The following MACROD2 variants were observed in gnomAD, a reference collection of about 807,000 sequenced individuals.
MACROD2 encodes the protein mono-ADP ribosylhydrolase 2, also known as ADP-ribose glycohydrolase MACROD2.
MACROD2 carries 36 observed loss-of-function variants against 70.4 expected under a neutral mutation model. The observed-to-expected ratio is 0.51, with a 90% confidence interval of 0.39 to 0.68. The LOEUF (loss-of-function observed/expected upper bound fraction) is 0.68, where lower values mean the gene tolerates loss of function less well. MACROD2 is among the 30% of genes least tolerant of loss of function. The probability of loss-of-function intolerance (pLI) is 0.00; values close to 1 mark genes in which losing one functional copy is unlikely to be tolerated. For missense variants in MACROD2, 496 were observed against 538.4 expected, an observed-to-expected ratio of 0.92 and a Z score of 0.78; for synonymous variants, 172 against 178.8, an observed-to-expected ratio of 0.96 and a Z score of 0.30.
At chr20:14,046,321 G>A (rs369484680) in intron 2 of MACROD2, among the ~76,000 whole-genome samples, 3 of 152,178 alleles carry the variant, frequency 2.0e-5, no homozygotes, top group East Asian at 3.9e-4. Flanking sequence ...ATCCTAGGGA[G>A]AGTAACTGGC....
chr20:14,424,704 G>A (rs1568606081), intron 3 of MACROD2, among the ~76,000 whole-genome samples: 1 of 152,194 alleles, frequency 6.6e-6, no homozygotes, highest in Non-Finnish European at 1.5e-5. Flanking sequence ...GAAGGTGGCA[G>A]TATTTATGTC....
intron 8 of MACROD2, among the ~76,000 whole-genome samples, chr20:15,730,504 A>G (rs991518039): frequency 6.6e-6 from 1 of 152,158 alleles, no homozygotes; most frequent in Non-Finnish European, 1.5e-5. Context: ...AAGAATGCTG[A>G]CTATAGCCCT....
At chr20:14,100,740 TATA>T (rs1410780947) in intron 3 of MACROD2, among the ~76,000 whole-genome samples, 51 of 136,152 alleles carry the variant, frequency 3.7e-4, no homozygotes, top group Non-Finnish European at 6.8e-4. Context: ...TATATATAAA[TATA>T]ATATATAATA....
At chr20:15,873,183 C>T (rs1019710256) in intron 9 of MACROD2, among the ~76,000 whole-genome samples, 2 of 152,168 alleles carry the variant, frequency 1.3e-5, no homozygotes, top group African/African-American at 4.8e-5. Flanking sequence ...AAATTGTGCA[C>T]TGTGTTTGCA....
chr20:14,872,813 C>T (rs1363792020), intron 5 of MACROD2, among the ~76,000 whole-genome samples: 1 of 152,124 alleles, frequency 6.6e-6, no homozygotes, highest in Non-Finnish European at 1.5e-5. Context: ...GTTTAACTGA[C>T]TCACAGTTCA....
intron 5 of MACROD2, among the ~76,000 whole-genome samples, chr20:15,209,824 A>G (rs1253782348): frequency 6.6e-6 from 1 of 152,242 alleles, no homozygotes; most frequent in Non-Finnish European, 1.5e-5. Context: ...AAATCTTTCC[A>G]GAAGGACATA....
intron 3 of MACROD2, among the ~76,000 whole-genome samples, chr20:14,230,496 T>A (rs1470105723): frequency 2.0e-5 from 3 of 151,452 alleles, no homozygotes; most frequent in East Asian, 3.9e-4. Flanking sequence ...TAGTTATGTC[T>A]TTAGGGTTCA....
chr20:16,016,520 C>G (rs1165772657), intron 15 of MACROD2, among the ~76,000 whole-genome samples: 1 of 152,154 alleles, frequency 6.6e-6, no homozygotes, highest in Non-Finnish European at 1.5e-5. Context: ...ACATTTTCAA[C>G]TTAACCTTTT....
chr20:15,985,611 T>G (rs1487296656), intron 13 of MACROD2, among the ~76,000 whole-genome samples: 2 of 152,228 alleles, frequency 1.3e-5, no homozygotes, highest in Admixed American at 1.3e-4. Flanking sequence ...GGCGTTCCAC[T>G]GGGGCAATTT....
rs117467696 is a variant in MACROD2, at chr20:15,025,337, C to G, written c.419-204603C>G. 8.2e-3 allele frequency among the ~76,000 whole-genome samples: 1,254 copies of G among 152,142 alleles called. 16 individuals carry two copies. Among genetic ancestry groups the G allele is most frequent in the Non-Finnish European group, 0.014 (929 of 68,012 alleles). On this transcript the variant is annotated intron_variant, in intron 5 of 17. Transcript: ENST00000684519. Reference sequence around the variant, plus strand: ...AGTCTAAGTCTTGGGTGGTGTCTACCTCCTTGCTTCAGAAGAGGCAGCTCT... The same window carrying G: ...AGTCTAAGTCTTGGGTGGTGTCTACGTCCTTGCTTCAGAAGAGGCAGCTCT...
At chr20:15,962,645 A>T (rs965449062) in intron 12 of MACROD2, among the ~76,000 whole-genome samples, 1 of 152,198 alleles carries the variant, frequency 6.6e-6, no homozygotes, top group African/African-American at 2.4e-5. Context: ...TAATTTGAAA[A>T]TCCAAAATCT....
At chr20:15,525,286 G>GC (rs11482635) in intron 8 of MACROD2, among the ~76,000 whole-genome samples, 7,470 of 152,188 alleles carry the variant, frequency 0.049, 468 homozygotes, top group East Asian at 0.29. Context: ...CCCACTAAGA[G>GC]CCCCAAGGAA....
intron 15 of MACROD2, among the ~76,000 whole-genome samples, chr20:15,995,045 G>A (rs540253080): frequency 8.7e-4 from 132 of 152,146 alleles, no homozygotes; most frequent in Middle Eastern, 3.4e-3. Flanking sequence ...TGATATAATT[G>A]AGTATATTTG....
intron 3 of MACROD2, among the ~76,000 whole-genome samples, chr20:14,190,480 T>A (rs1444230900): frequency 6.6e-6 from 1 of 151,456 alleles, no homozygotes; most frequent in Non-Finnish European, 1.5e-5. Flanking sequence ...AATTGAAATG[T>A]GTATGAAGTC....
At chr20:15,571,665 T>A (rs1234166408) in intron 8 of MACROD2, among the ~76,000 whole-genome samples, 1 of 152,076 alleles carries the variant, frequency 6.6e-6, no homozygotes, top group Non-Finnish European at 1.5e-5. Flanking sequence ...GGGCCCCAAA[T>A]GATCACATGA....
intron 6 of MACROD2, among the ~76,000 whole-genome samples, chr20:15,310,832 CA>C (rs1256257439): frequency 2.6e-5 from 4 of 152,084 alleles, no homozygotes; most frequent in Non-Finnish European, 5.9e-5. Flanking sequence ...TTCATCCAAA[CA>C]GGAAGATCAA....
At chr20:14,230,686 T>TATATAAAAAACACAGGCTGGGCCC (rs2081800880) in intron 3 of MACROD2, among the ~76,000 whole-genome samples, 1 of 120,946 alleles carries the variant, frequency 8.3e-6, no homozygotes, top group Non-Finnish European at 1.7e-5. Context: ...TATATATATA[T>TATATAAAAAACACAGGCTGGGCCC]ATATATATAT....
intron 6 of MACROD2, among the ~76,000 whole-genome samples, chr20:15,313,703 A>G (rs1438810761): frequency 6.6e-6 from 1 of 152,072 alleles, no homozygotes; most frequent in Admixed American, 6.6e-5. Context: ...ACTTCTGCCT[A>G]CCACCACCTC....
In MACROD2 at chr20:14,123,588, G is replaced by C. The variant is rs181390723; in HGVS notation, c.271+37860G>C. On this transcript the variant is annotated intron_variant, in intron 3 of 17. Coordinates refer to ENST00000684519, the MANE Select transcript of MACROD2 (RefSeq NM_001351661.2). ...TAAAGTCCTGCCTCCCTAGATACCA[G>C]CCTACCTAACGAAGCCTTCTAAAAT... 4.5e-4 allele frequency among the ~76,000 whole-genome samples: 68 copies of C among 152,244 alleles called. No individual in the cohort carries two copies. In the East Asian group the frequency reaches 0.012, roughly 26 times the overall value.
Sources: gnomAD v4.1 joint callset for allele counts (sites outside exome capture counted in the v4.1 genomes callset) on GRCh38, gnomAD v4.1.1 for gene constraint, MANE v1.5 for transcripts, NCBI Gene and HGNC (gene_info 2026-07-23, HGNC 2026-07-21) for gene names.